POSTN: variants seen among roughly 807,000 people sequenced by gnomAD.
POSTN encodes osteoblast specific factor 2 (fasciclin I-like).
POSTN carries 71 observed loss-of-function variants against 104.5 expected under a neutral mutation model. That is an observed-to-expected ratio of 0.68 (90% CI 0.56 to 0.83). The LOEUF (loss-of-function observed/expected upper bound fraction) is 0.83, where lower values mean the gene tolerates loss of function less well. Ranked by LOEUF, POSTN falls within the 40% of genes least tolerant of loss-of-function variation. The pLI, the probability that POSTN is intolerant of heterozygous loss-of-function variation, is 0.00. For missense variants in POSTN, 949 were observed against 1,006.8 expected (o/e 0.94, Z 0.78); for synonymous variants, 355 against 340.7 (o/e 1.04, Z -0.46).
intron 22 of POSTN, among the ~76,000 whole-genome samples, chr13:37,564,183 T>TATACAAAAAATTAC (rs1234792919): frequency 3.1e-5 from 1 of 32,432 alleles, no homozygotes; most frequent in Non-Finnish European, 6.8e-5. Context: ...AAACATTACA[T>TATACAAAAAATTAC]ATATATATAT....
In POSTN at chr13:37,563,029, A is replaced by G. The variant is rs1949978327; in HGVS notation, c.*304T>C. 4.6e-6 allele frequency: 1 copy of G among 216,022 alleles called. No homozygotes were observed. The highest frequency in any genetic ancestry group is 2.3e-5 in the African/African-American group (1 of 44,056). The allele number at this position is 216,022 out of a possible 1,614,324, so 13.4% of individuals were successfully genotyped here. ...AACTCTTCGATTTGAATTGTAATGA[A>G]TCTGGTGACAAGGATTTTTCTCTAA... is the stretch of plus-strand genomic sequence containing the variant. On this transcript the variant is annotated 3_prime_UTR_variant, in exon 23 of 23. Coordinates refer to ENST00000379747, the MANE Select transcript of POSTN (RefSeq NM_006475.3).
intron 2 of POSTN, among the ~76,000 whole-genome samples, chr13:37,594,857 C>T (rs917236744): frequency 6.6e-6 from 1 of 152,146 alleles, no homozygotes; most frequent in African/African-American, 2.4e-5. Context: ...GCAGACCAGT[C>T]AGTCTTCCTG....
At position 37,562,938 on chromosome 13, in the gene POSTN, GC is replaced by G; in HGVS notation, c.*394del. ...GCTTCCCATGGAGAGATAATGGCTT[GC>G]GTGCATTTTATGTATCCATAACATA... is the stretch of plus-strand genomic sequence containing the variant. On this transcript the variant is annotated 3_prime_UTR_variant, in exon 23 of 23. Transcript: ENST00000379747. 1.3e-5 allele frequency: 2 copies of G among 154,554 alleles called. No homozygotes were observed. The highest frequency in any genetic ancestry group is 4.1e-4 in the South Asian group (2 of 4,848). 9.6% of individuals were successfully genotyped at this position (154,554 alleles called of 1,614,324 possible). A position where few individuals can be genotyped will look rare whatever the true frequency, so the allele number is the denominator to read the frequency against.
At chr13:37,580,534 C>T (rs773703477) in intron 11 of POSTN, 27 bp downstream of exon 11, 1 of 1,613,428 alleles carries the variant, frequency 6.2e-7, no homozygotes, top group Non-Finnish European at 8.5e-7. Flanking sequence ...CTCTCATTCT[C>T]TGTGGAGGTG....
At chr13:37,569,705 T>C (rs1349753949) in intron 20 of POSTN, 39 bp downstream of exon 20, 1 of 1,370,204 alleles carries the variant, frequency 7.3e-7, no homozygotes, top group Non-Finnish European at 1.0e-6. Context: ...ATGGATAGCT[T>C]AGGTAAAGTC....
chr13:37,590,231 A>G (rs1377809277), intron 4 of POSTN, 141 bp downstream of exon 4: 1 of 577,350 alleles, frequency 1.7e-6, no homozygotes. Context: ...ACTTCCCTTA[A>G]TAACTCATCC....
intron 4 of POSTN, among the ~76,000 whole-genome samples, chr13:37,589,149 G>T (rs948815317): frequency 6.6e-6 from 1 of 152,082 alleles, no homozygotes; most frequent in Non-Finnish European, 1.5e-5. Flanking sequence ...GATGCAGATG[G>T]TATATCCAAG....
At chr13:37,595,680 T>A (rs2138408649) in intron 2 of POSTN, among the ~76,000 whole-genome samples, 1 of 152,372 alleles carries the variant, frequency 6.6e-6, no homozygotes, top group East Asian at 1.9e-4. Flanking sequence ...ATTGATATTA[T>A]GCATTATGGT....
intron 4 of POSTN, among the ~76,000 whole-genome samples, chr13:37,589,213 C>G (rs1326588363): frequency 6.6e-6 from 1 of 152,038 alleles, no homozygotes; most frequent in Admixed American, 6.6e-5. Context: ...CAAGAAGAAA[C>G]AAGTCCAAAC....
In POSTN at chr13:37,580,562, TA is replaced by T; in HGVS notation, c.1527del (p.Phe509LeufsTer13). The T allele has an allele frequency of 6.2e-7, 1 of 1,614,098 alleles. No individual in the cohort carries two copies. The highest frequency in any genetic ancestry group is 8.5e-7 in the Non-Finnish European group (1 of 1,179,952). ...TGGAGGTGCCACTAATAGGCTTACC[TA>T]AAGCGCTTATCTTGTTTTAACTTTT... Reference protein sequence around the residue: ...LHEKLKQDKRFSTFLSLLEAA... With the variant: ...LHEKLKQDKRXSTFLSLLEAA... On this transcript the variant is annotated frameshift_variant and splice_region_variant, in exon 11 of 23. Transcript: ENST00000379747. LOFTEE classifies it high-confidence loss of function.
At chr13:37,566,223 A>G (rs1950095001) in intron 21 of POSTN, among the ~76,000 whole-genome samples, 1 of 152,246 alleles carries the variant, frequency 6.6e-6, no homozygotes, top group Non-Finnish European at 1.5e-5. Context: ...TTAGAGCAGC[A>G]AAACATGGGA....
intron 21 of POSTN, among the ~76,000 whole-genome samples, chr13:37,565,663 C>A (rs1950076791): frequency 6.6e-6 from 1 of 151,976 alleles, no homozygotes; most frequent in South Asian, 2.1e-4. Context: ...GAATATAAGG[C>A]ATATAATCAT....
At chr13:37,567,684 C>T (rs1245739775) in intron 21 of POSTN, among the ~76,000 whole-genome samples, 2 of 151,958 alleles carry the variant, frequency 1.3e-5, no homozygotes, top group East Asian at 3.9e-4. Context: ...GTAGAGAGAT[C>T]ATACACTGGG....
Position 37,598,700 on chromosome 13 carries a change from A to C in POSTN, c.27T>G (p.Ser9=). The part of the protein sequence containing the change: MIPFLPMF[S]LLLLLIVNPI... Reference sequence around the variant, plus strand: ...GGTTAACAATAAGCAGCAATAGTAGAGAAAACATGGGTAAAAAGGGAATCA... The same window carrying C: ...GGTTAACAATAAGCAGCAATAGTAGCGAAAACATGGGTAAAAAGGGAATCA... The change falls in exon 1 of 23, where the codon TCT becomes TCG. Residue 9 remains serine, a synonymous_variant. Transcript: ENST00000379747. The C allele has an allele frequency of 6.2e-7, 1 of 1,613,364 alleles. No homozygotes were observed.
At position 37,574,549 on chromosome 13, in the gene POSTN, C is replaced by T. The variant is rs75996921; in HGVS notation, c.2089+23G>A. The T allele has an allele frequency of 5.5e-3, 8,608 of 1,571,096 alleles. 418 individuals carry two copies. In the African/African-American group the frequency reaches 0.1, roughly 19 times the overall value. On this transcript the variant is annotated intron_variant, in intron 17 of 22. Transcript: ENST00000379747. ...ACAGATGTTTTTACTATAAAAGGAA[C>T]CATGTATAACATTGATTTTTACCTT...
chr13:37,575,379 A>G (rs1664491336), intron 16 of POSTN, among the ~76,000 whole-genome samples: 1 of 151,664 alleles, frequency 6.6e-6, no homozygotes, highest in Non-Finnish European at 1.5e-5. Flanking sequence ...TGTTTGGGTG[A>G]TGGGTTCACT....
intron 17 of POSTN, among the ~76,000 whole-genome samples, chr13:37,572,542 T>C (rs1335989934): frequency 6.6e-6 from 1 of 151,590 alleles, no homozygotes; most frequent in Non-Finnish European, 1.5e-5. Context: ...TCTAAATCAA[T>C]ATTTCTTTAG....
At chr13:37,592,289 T>TTC (rs1491058650) in intron 2 of POSTN, 125 bp from the exon 3 acceptor site, 11 of 521,766 alleles carry the variant, frequency 2.1e-5, no homozygotes, top group Non-Finnish European at 3.0e-5. Context: ...AGGTTTTTTT[T>TTC]CCCCCCTGAT....
chr13:37,563,584 C>T (rs979564126), intron 22 of POSTN, among the ~76,000 whole-genome samples: 1 of 151,926 alleles, frequency 6.6e-6, no homozygotes, highest in Admixed American at 6.6e-5. Context: ...ATAATTTTAA[C>T]TCTTTAGAAA....
Sources: allele counts gnomAD v4.1 joint callset (sites outside exome capture counted in the v4.1 genomes callset), GRCh38; gene constraint gnomAD v4.1.1; transcripts MANE v1.5; gene names NCBI Gene and HGNC (gene_info 2026-07-23, HGNC 2026-07-21).